Variants in ZCCHC7 observed in about 807,000 individuals in gnomAD.
ZCCHC7 encodes zinc finger CCHC-type containing 7, also known as zinc finger CCHC domain-containing protein 7.
ZCCHC7 carries 35 observed loss-of-function variants against 52.0 expected under a neutral mutation model. The ratio of observed to expected loss-of-function variants is 0.67; its 90% CI spans 0.51 to 0.89. The LOEUF (loss-of-function observed/expected upper bound fraction) is 0.89. Among genes scored for constraint, ZCCHC7 ranks in the 40% least tolerant of loss-of-function variants. ZCCHC7 has a pLI of 0.00. For synonymous variants in ZCCHC7, 217 were observed against 221.5 expected (o/e 0.98, Z 0.18); for missense variants, 574 against 649.1 (o/e 0.88, Z 1.26).
At chr9:37,180,423 T>C (rs1271552126) in intron 2 of ZCCHC7, among the ~76,000 whole-genome samples, 6 of 151,950 alleles carry the variant, frequency 3.9e-5, no homozygotes, top group African/African-American at 1.5e-4. Flanking sequence ...ATGTTAATAA[T>C]ACAGTGGTAC....
chr9:37,321,663 C>G (rs1830059460), intron 5 of ZCCHC7, among the ~76,000 whole-genome samples: 1 of 152,092 alleles, frequency 6.6e-6, no homozygotes, highest in South Asian at 2.1e-4. Flanking sequence ...ACTCTGGAGG[C>G]TGAGGTCAGA....
intron 2 of ZCCHC7, among the ~76,000 whole-genome samples, chr9:37,252,578 A>G (rs1826381447): frequency 6.6e-6 from 1 of 152,212 alleles, no homozygotes; most frequent in African/African-American, 2.4e-5. Context: ...CACTAGAGGA[A>G]AACACATAGA....
chr9:37,265,297 T>G (rs1452279574), intron 2 of ZCCHC7, among the ~76,000 whole-genome samples: 1 of 152,168 alleles, frequency 6.6e-6, no homozygotes, highest in Non-Finnish European at 1.5e-5. Flanking sequence ...TTTAAATACC[T>G]TACAGGATGA....
intron 2 of ZCCHC7, among the ~76,000 whole-genome samples, chr9:37,224,845 A>T (rs1175580769): frequency 6.6e-6 from 1 of 152,192 alleles, no homozygotes; most frequent in Non-Finnish European, 1.5e-5. Context: ...TGTGACAAGA[A>T]ATTACCCAAG....
At chr9:37,189,321 T>A (rs907616021) in intron 2 of ZCCHC7, among the ~76,000 whole-genome samples, 2 of 152,116 alleles carry the variant, frequency 1.3e-5, no homozygotes, top group Admixed American at 6.5e-5. Context: ...TTGGGCTGTA[T>A]CCTGGACAAT....
At chr9:37,324,721 T>A (rs1830173164) in intron 5 of ZCCHC7, among the ~76,000 whole-genome samples, 1 of 152,210 alleles carries the variant, frequency 6.6e-6, no homozygotes, top group African/African-American at 2.4e-5. Flanking sequence ...CTTTCTCCTG[T>A]GCTGTGTTCC....
intron 2 of ZCCHC7, among the ~76,000 whole-genome samples, chr9:37,300,291 T>TAA (rs1032843069): frequency 6.6e-6 from 1 of 152,256 alleles, no homozygotes; most frequent in Non-Finnish European, 1.5e-5. Context: ...ATAGTTAACA[T>TAA]AATTTCAAGT....
At position 37,301,370 on chromosome 9, in the gene ZCCHC7, G is replaced by A. The variant is rs112074705; in HGVS notation, c.611-818G>A. ...CCAGCACTTTGGGAGGCTGAAGTGG[G>A]TGGATCTCTTGAGCTCAGGAGTTTG... On this transcript the variant is annotated intron_variant, in intron 2 of 8. Coordinates refer to ENST00000336755, the MANE Select transcript of ZCCHC7 (RefSeq NM_032226.3). Among the ~76,000 whole-genome samples the A allele has an allele frequency of 4.3e-3, 657 of 152,280 alleles. 3 individuals are homozygous for A. The highest frequency in any genetic ancestry group is 0.015 in the African/African-American group (629 of 41,552).
chr9:37,129,101 G>GA (rs773326297), intron 2 of ZCCHC7, among the ~76,000 whole-genome samples: 10 of 151,968 alleles, frequency 6.6e-5, no homozygotes, highest in Non-Finnish European at 2.9e-5. Context: ...AAGAAAGCTT[G>GA]ATAACTTGAA....
At chr9:37,335,504 T>C (rs2118346134) in intron 6 of ZCCHC7, among the ~76,000 whole-genome samples, 1 of 152,280 alleles carries the variant, frequency 6.6e-6, no homozygotes, top group Non-Finnish European at 1.5e-5. Context: ...TTGTTAAGTA[T>C]ACGATGAGAT....
chr9:37,151,621 ATGG>A (rs1341938401), intron 2 of ZCCHC7, among the ~76,000 whole-genome samples: 2 of 152,064 alleles, frequency 1.3e-5, no homozygotes, highest in Non-Finnish European at 2.9e-5. Flanking sequence ...CCTGGCAAAC[ATGG>A]TGAAACCCTG....
intron 2 of ZCCHC7, among the ~76,000 whole-genome samples, chr9:37,149,945 T>C (rs17408510): frequency 0.086 from 13,060 of 152,278 alleles, 767 homozygotes; most frequent in Middle Eastern, 0.16. Context: ...CAAAGATACA[T>C]CACTGCTTGA....
intron 1 of ZCCHC7, among the ~76,000 whole-genome samples, chr9:37,125,873 T>C (rs1328248946): frequency 6.6e-6 from 1 of 152,266 alleles, no homozygotes; most frequent in Non-Finnish European, 1.5e-5. Context: ...TATGTTTAGA[T>C]ACCCAAATAC....
At chr9:37,286,437 C>T (rs1157024210) in intron 2 of ZCCHC7, among the ~76,000 whole-genome samples, 3 of 152,044 alleles carry the variant, frequency 2.0e-5, no homozygotes, top group Non-Finnish European at 4.4e-5. Context: ...CAGGGTGGAT[C>T]ACTTGAAATC....
chr9:37,131,259 G>A (rs1842769303), intron 2 of ZCCHC7, among the ~76,000 whole-genome samples: 2 of 151,090 alleles, frequency 1.3e-5, no homozygotes, highest in South Asian at 4.2e-4. Flanking sequence ...AGAATGGTGT[G>A]AACCTGGGAG....
chr9:37,325,338 T>C (rs1424307197), intron 5 of ZCCHC7, among the ~76,000 whole-genome samples: 1 of 152,230 alleles, frequency 6.6e-6, no homozygotes, highest in Non-Finnish European at 1.5e-5. Flanking sequence ...TGCAATTGTA[T>C]TTTCATAGTT....
chr9:37,283,036 G>A (rs1487074959), intron 2 of ZCCHC7, among the ~76,000 whole-genome samples: 2 of 152,054 alleles, frequency 1.3e-5, no homozygotes, highest in African/African-American at 4.8e-5. Context: ...CTCTTGGGTT[G>A]AGACTTAGGA....
At chr9:37,336,972 C>G (rs1588689958) in intron 6 of ZCCHC7, among the ~76,000 whole-genome samples, 1 of 152,218 alleles carries the variant, frequency 6.6e-6, no homozygotes, top group South Asian at 2.1e-4. Context: ...ATCCCGCATG[C>G]TATGAATGGC....
intron 2 of ZCCHC7, among the ~76,000 whole-genome samples, chr9:37,256,959 CA>C (rs1284978690): frequency 1.3e-5 from 2 of 152,112 alleles, no homozygotes; most frequent in Non-Finnish European, 2.9e-5. Context: ...ATAGATTCTT[CA>C]TTGGATATGG....
Sources: gnomAD v4.1 joint callset for allele counts (sites outside exome capture counted in the v4.1 genomes callset) on GRCh38, gnomAD v4.1.1 for gene constraint, MANE v1.5 for transcripts, NCBI Gene and HGNC (gene_info 2026-07-23, HGNC 2026-07-21) for gene names.